LMBR1: variants seen among roughly 807,000 people sequenced by gnomAD.
LMBR1 encodes limb region 1 protein homolog.
LMBR1 carries 52 observed loss-of-function variants against 73.9 expected under a neutral mutation model. The ratio of observed to expected loss-of-function variants is 0.70; its 90% CI spans 0.56 to 0.89. The LOEUF (loss-of-function observed/expected upper bound fraction) is 0.89. Among genes scored for constraint, LMBR1 ranks in the 40% least tolerant of loss-of-function variants. The pLI is 0.00. For synonymous variants in LMBR1, 215 were observed against 209.4 expected (o/e 1.03, Z -0.23); for missense variants, 539 against 579.8 (o/e 0.93, Z 0.72).
chr7:156,800,329 C>A (rs1374929655), intron 4 of LMBR1, among the ~76,000 whole-genome samples: 1 of 152,096 alleles, frequency 6.6e-6, no homozygotes, highest in Non-Finnish European at 1.5e-5. Flanking sequence ...TGCTCATTCA[C>A]CATTCCAGAA....
At chr7:156,773,848 A>C (rs774637293) in intron 5 of LMBR1, among the ~76,000 whole-genome samples, 8 of 152,142 alleles carry the variant, frequency 5.3e-5, no homozygotes, top group African/African-American at 9.7e-5. Context: ...AAAAATCGAC[A>C]AATGGGACCT....
At chr7:156,723,769 A>C (rs767827541) in intron 15 of LMBR1, among the ~76,000 whole-genome samples, 3 of 152,124 alleles carry the variant, frequency 2.0e-5, no homozygotes, top group Non-Finnish European at 4.4e-5. Context: ...TAAACGCTCA[A>C]AAGCTTTTAA....
rs903391352 is a variant in LMBR1, at chr7:156,679,454, T to G, written c.*4624A>C. 4 of 152,226 alleles carry G rather than the reference T, an allele frequency of 2.6e-5. No individual in the cohort carries two copies. Among genetic ancestry groups the G allele is most frequent in the African/African-American group, 9.6e-5 (4 of 41,468 alleles). The allele number at this position is 152,226 out of a possible 1,614,324, so 9.4% of individuals were successfully genotyped here. On this transcript the variant is annotated 3_prime_UTR_variant, in exon 17 of 17. Transcript: ENST00000353442. ...TACTGTGGAGTCCATATAGAACAAC[T>G]GTGGATGACTTCAAGATGCTGTTAA...
chr7:156,856,178 G>C (rs1182460600), intron 1 of LMBR1, among the ~76,000 whole-genome samples: 1 of 152,116 alleles, frequency 6.6e-6, no homozygotes, highest in African/African-American at 2.4e-5. Flanking sequence ...CAGGGCGACA[G>C]AGCAAGACTC....
At chr7:156,794,151 C>T (rs1187064919) in intron 5 of LMBR1, among the ~76,000 whole-genome samples, 4 of 152,182 alleles carry the variant, frequency 2.6e-5, no homozygotes, top group African/African-American at 9.7e-5. Flanking sequence ...TCATAGTTGC[C>T]TGTATCCTAC....
intron 9 of LMBR1, among the ~76,000 whole-genome samples, chr7:156,750,854 A>G (rs1464395328): frequency 6.6e-6 from 1 of 152,204 alleles, no homozygotes; most frequent in Non-Finnish European, 1.5e-5. Flanking sequence ...TCACACCTGT[A>G]ATTTTAACAC....
chr7:156,715,919 C>G (rs980695857), intron 15 of LMBR1, among the ~76,000 whole-genome samples: 5 of 152,050 alleles, frequency 3.3e-5, no homozygotes, highest in African/African-American at 1.2e-4. Context: ...GTCAGAAAAG[C>G]TTAGAATATG....
intron 7 of LMBR1, 93 bp from the exon 8 acceptor site, chr7:156,762,291 A>G: frequency 1.3e-6 from 1 of 778,626 alleles, no homozygotes; most frequent in South Asian, 1.6e-5. Flanking sequence ...AGGGAAATTC[A>G]AGGATTATCA....
At chr7:156,804,888 C>T (rs1831719604) in intron 4 of LMBR1, among the ~76,000 whole-genome samples, 2 of 152,028 alleles carry the variant, frequency 1.3e-5, no homozygotes. Context: ...CTTTCGCTAT[C>T]CTACCTAAAA....
intron 9 of LMBR1, among the ~76,000 whole-genome samples, chr7:156,745,902 TA>T (rs1563263882): frequency 6.6e-6 from 1 of 152,230 alleles, no homozygotes; most frequent in Non-Finnish European, 1.5e-5. Context: ...CTTGTTAATA[TA>T]TAATTGATAT....
chr7:156,873,988 C>T (rs542626010), intron 1 of LMBR1, among the ~76,000 whole-genome samples: 4 of 152,266 alleles, frequency 2.6e-5, no homozygotes, highest in Non-Finnish European at 4.4e-5. Flanking sequence ...GCCTGCCAGT[C>T]CCGCGCCATG....
At chr7:156,865,403 G>A (rs1317264366) in intron 1 of LMBR1, among the ~76,000 whole-genome samples, 1 of 152,122 alleles carries the variant, frequency 6.6e-6, no homozygotes, top group African/African-American at 2.4e-5. Flanking sequence ...TACTCTGGAA[G>A]CCACAAAATA....
chr7:156,705,768 C>T (rs949650900), intron 15 of LMBR1, among the ~76,000 whole-genome samples: 1 of 151,994 alleles, frequency 6.6e-6, no homozygotes, highest in Non-Finnish European at 1.5e-5. Context: ...AAGTATAAAA[C>T]TCACAAGTAA....
At chr7:156,804,669 TC>T (rs1315477917) in intron 4 of LMBR1, among the ~76,000 whole-genome samples, 1 of 152,234 alleles carries the variant, frequency 6.6e-6, no homozygotes, top group Non-Finnish European at 1.5e-5. Context: ...AAGTATCTCT[TC>T]AAATCTGTTG....
intron 5 of LMBR1, among the ~76,000 whole-genome samples, chr7:156,789,149 T>C (rs1192741960): frequency 6.6e-6 from 1 of 152,238 alleles, no homozygotes. Context: ...AACTGATCAT[T>C]TCAATATATT....
chr7:156,873,042 T>A (rs1586378908), intron 1 of LMBR1, among the ~76,000 whole-genome samples: 1 of 149,764 alleles, frequency 6.7e-6, no homozygotes, highest in South Asian at 2.1e-4. Flanking sequence ...CTGGAGTCTG[T>A]CCCTTCGTGG....
intron 4 of LMBR1, among the ~76,000 whole-genome samples, chr7:156,804,855 A>AT (rs1014727966): frequency 2.0e-5 from 3 of 151,942 alleles, no homozygotes; most frequent in African/African-American, 7.3e-5. Flanking sequence ...CAATTTATCC[A>AT]TTTTTTTCTT....
At chr7:156,882,587 T>C (rs975462011) in intron 1 of LMBR1, among the ~76,000 whole-genome samples, 4 of 151,390 alleles carry the variant, frequency 2.6e-5, no homozygotes, top group African/African-American at 9.7e-5. Flanking sequence ...ACTCAAAGAG[T>C]GTAAATGGTG....
Position 156,696,438 on chromosome 7 carries a change from G to A in LMBR1, c.1226-8247C>T, listed in dbSNP as rs1183495386. Among the ~76,000 whole-genome samples the A allele has an allele frequency of 2.0e-5, 3 of 152,168 alleles. No homozygotes were observed. The East Asian group carries it at 5.8e-4, about 29-fold the overall frequency. On this transcript the variant is annotated intron_variant, in intron 15 of 16. Transcript: ENST00000353442. ...ATTTTGCCAAAGAAAATATGCAACAGTGTATTGGTCCATTTTCATGATGCT... is the reference window on the plus strand; with the variant it reads ...ATTTTGCCAAAGAAAATATGCAACAATGTATTGGTCCATTTTCATGATGCT...
Sources: allele counts gnomAD v4.1 joint callset (sites outside exome capture counted in the v4.1 genomes callset), GRCh38; gene constraint gnomAD v4.1.1; transcripts MANE v1.5; gene names NCBI Gene and HGNC (gene_info 2026-07-23, HGNC 2026-07-21).